Variants in LRRTM4 observed in about 807,000 individuals in gnomAD.
LRRTM4 encodes leucine rich repeat transmembrane neuronal 4, also known as leucine-rich repeat transmembrane neuronal protein 4.
LRRTM4 carries 25 observed loss-of-function variants against 47.6 expected under a neutral mutation model. The ratio of observed to expected loss-of-function variants is 0.53; its 90% CI spans 0.38 to 0.73. LRRTM4 has a LOEUF of 0.73. LRRTM4 is among the 30% of genes least tolerant of loss of function. The pLI, the probability that LRRTM4 is intolerant of heterozygous loss-of-function variation, is 0.00. For missense variants in LRRTM4, 638 were observed against 713.4 expected (o/e 0.89, Z 1.20); for synonymous variants, 311 against 269.5 (o/e 1.15, Z -1.51).
intron 3 of LRRTM4, among the ~76,000 whole-genome samples, chr2:77,232,398 A>C (rs1327702588): frequency 2.6e-5 from 4 of 152,208 alleles, no homozygotes; most frequent in Admixed American, 6.5e-5. Flanking sequence ...GTTATTCTTG[A>C]AAAGTGTGAC....
At chr2:76,991,486 C>T (rs2103993701) in intron 3 of LRRTM4, among the ~76,000 whole-genome samples, 1 of 151,744 alleles carries the variant, frequency 6.6e-6, no homozygotes, top group East Asian at 1.9e-4. Flanking sequence ...AAAAGATTCT[C>T]CAACACTGTT....
intron 3 of LRRTM4, among the ~76,000 whole-genome samples, chr2:77,248,907 C>T (rs4606962): frequency 0.55 from 83,104 of 151,854 alleles, 23,095 homozygotes; most frequent in African/African-American, 0.6. Flanking sequence ...AAATGGATCA[C>T]AAACCCAAAT....
intron 3 of LRRTM4, among the ~76,000 whole-genome samples, chr2:76,828,679 G>A (rs1671251898): frequency 6.6e-6 from 1 of 151,828 alleles, no homozygotes; most frequent in Non-Finnish European, 1.5e-5. Context: ...TTCTTTACTT[G>A]AAAAGGCACT....
intron 3 of LRRTM4, among the ~76,000 whole-genome samples, chr2:77,101,641 ATTTTT>A (rs1670954712): frequency 6.6e-6 from 1 of 152,056 alleles, no homozygotes; most frequent in Non-Finnish European, 1.5e-5. Context: ...TTATTTATTT[ATTTTT>A]TAACTTTCAC....
chr2:76,796,824 A>G (rs1257822954), intron 3 of LRRTM4, among the ~76,000 whole-genome samples: 1 of 152,132 alleles, frequency 6.6e-6, no homozygotes, highest in Non-Finnish European at 1.5e-5. Context: ...CTGAGTGAAG[A>G]AGGCAGACGC....
chr2:76,908,809 G>A (rs1466559662), intron 3 of LRRTM4, among the ~76,000 whole-genome samples: 1 of 151,946 alleles, frequency 6.6e-6, no homozygotes, highest in Non-Finnish European at 1.5e-5. Flanking sequence ...CCTCTTCCAG[G>A]AGAACTACAA....
intron 3 of LRRTM4, among the ~76,000 whole-genome samples, chr2:77,432,087 AG>A (rs986329159): frequency 6.6e-6 from 1 of 152,182 alleles, no homozygotes; most frequent in Non-Finnish European, 1.5e-5. Flanking sequence ...AAAGAAAAAA[AG>A]AAAGAAATGG....
chr2:77,265,683 G>C (rs1235720393), intron 3 of LRRTM4, among the ~76,000 whole-genome samples: 1 of 152,062 alleles, frequency 6.6e-6, no homozygotes, highest in South Asian at 2.1e-4. Context: ...TGTACTATGA[G>C]ATTTTACATG....
chr2:77,437,696 C>T (rs1290563448), intron 3 of LRRTM4, among the ~76,000 whole-genome samples: 1 of 151,992 alleles, frequency 6.6e-6, no homozygotes. Context: ...AATGTAAGGC[C>T]AGAATATTTA....
chr2:76,922,760 C>A (rs752203641), intron 3 of LRRTM4, among the ~76,000 whole-genome samples: 1 of 151,974 alleles, frequency 6.6e-6, no homozygotes, highest in South Asian at 2.1e-4. Flanking sequence ...AGAAAGTGAA[C>A]CTTAAGTAGT....
intron 3 of LRRTM4, among the ~76,000 whole-genome samples, chr2:76,933,355 A>T (rs2103840193): frequency 6.6e-6 from 1 of 152,240 alleles, no homozygotes; most frequent in Non-Finnish European, 1.5e-5. Context: ...GTGCAAAAAT[A>T]GGCATGTTTT....
intron 3 of LRRTM4, among the ~76,000 whole-genome samples, chr2:76,943,996 A>C (rs1675241456): frequency 6.6e-6 from 1 of 152,148 alleles, no homozygotes; most frequent in African/African-American, 2.4e-5. Flanking sequence ...CCTAGATTTC[A>C]GTCTTGCCCA....
At chr2:77,049,641 A>T (rs115593742) in intron 3 of LRRTM4, among the ~76,000 whole-genome samples, 3,635 of 145,274 alleles carry the variant, frequency 0.025, 179 homozygotes, top group African/African-American at 0.084. Context: ...AATTAAATTA[A>T]TTTTTTTGTT....
chr2:77,456,243 C>T (rs1327819020), intron 3 of LRRTM4, among the ~76,000 whole-genome samples: 1 of 152,044 alleles, frequency 6.6e-6, no homozygotes. Context: ...ACTATGCTAC[C>T]CTAAAAATTC....
At chr2:77,401,383 T>G (rs1040647220) in intron 3 of LRRTM4, among the ~76,000 whole-genome samples, 1 of 152,024 alleles carries the variant, frequency 6.6e-6, no homozygotes, top group African/African-American at 2.4e-5. Flanking sequence ...GACTATGCTA[T>G]TTAAAATTGC....
intron 3 of LRRTM4, among the ~76,000 whole-genome samples, chr2:76,824,267 G>T (rs755289900): frequency 2.0e-5 from 3 of 151,516 alleles, no homozygotes; most frequent in Non-Finnish European, 4.4e-5. Context: ...ATCTATAAAT[G>T]TGTGTGTGTT....
chr2:76,937,880 A>ATG (rs1283739293), intron 3 of LRRTM4, among the ~76,000 whole-genome samples: 3 of 152,048 alleles, frequency 2.0e-5, no homozygotes, highest in Non-Finnish European at 4.4e-5. Flanking sequence ...TTATATATAT[A>ATG]TTTTTAAAAA....
chr2:77,120,540 A>T (rs985911719), intron 3 of LRRTM4, among the ~76,000 whole-genome samples: 1 of 151,848 alleles, frequency 6.6e-6, no homozygotes, highest in East Asian at 1.9e-4. Context: ...AGAATTCAGA[A>T]ATAAGCTACA....
intron 3 of LRRTM4, among the ~76,000 whole-genome samples, chr2:77,189,646 C>G (rs1465161850): frequency 6.6e-6 from 1 of 152,136 alleles, no homozygotes; most frequent in Non-Finnish European, 1.5e-5. Flanking sequence ...TGATCTTACA[C>G]TTCCAGTCTT....
Sources: allele counts gnomAD v4.1 joint callset (sites outside exome capture counted in the v4.1 genomes callset), GRCh38; gene constraint gnomAD v4.1.1; transcripts MANE v1.5; gene names NCBI Gene and HGNC (gene_info 2026-07-23, HGNC 2026-07-21).